The following PUS7L variants were observed in gnomAD, a reference collection of about 807,000 sequenced individuals.
PUS7L encodes the protein pseudouridine synthase 7 like.
In PUS7L, 49 loss-of-function variants were observed where a neutral mutation model predicts 51.1. That is an observed-to-expected ratio of 0.96 (90% CI 0.76 to 1.22). PUS7L has a LOEUF of 1.22. PUS7L is among the 50% of genes most tolerant of loss of function. The pLI is 0.00. For synonymous variants in PUS7L, 277 were observed against 276.2 expected (o/e 1.00, Z -0.03); for missense variants, 828 against 820.6 (o/e 1.01, Z -0.11).
At chr12:43,739,527 G>C (rs570606313) in intron 5 of PUS7L, 1 of 152,218 alleles carries the variant, frequency 6.6e-6, no homozygotes, top group Non-Finnish European at 1.5e-5. Context: ...TCTGCCTCCC[G>C]GGTTCAACCT....
chr12:43,757,136 G>A (rs1023542401), intron 1 of PUS7L, among the ~76,000 whole-genome samples: 1 of 152,184 alleles, frequency 6.6e-6, no homozygotes, highest in African/African-American at 2.4e-5. Context: ...CCTCAGAGAA[G>A]TTTTTCCTGA....
chr12:43,737,148 T>C (rs995183081), intron 6 of PUS7L, among the ~76,000 whole-genome samples: 7 of 152,172 alleles, frequency 4.6e-5, no homozygotes, highest in Non-Finnish European at 1.0e-4. Flanking sequence ...CACTTTGAAA[T>C]GTAGATGACT....
chr12:43,758,663 C>A (rs897275009), intron 1 of PUS7L, 67 bp downstream of exon 1: 11 of 761,584 alleles, frequency 1.4e-5, no homozygotes, highest in Non-Finnish European at 1.6e-5. Context: ...CACCCCCCCC[C>A]CCCACACACA....
chr12:43,734,753 C>T lies in PUS7L; in HGVS notation c.1725+1628G>A, dbSNP rs141649551. On this transcript the variant is annotated intron_variant, in intron 7 of 8. Coordinates refer to ENST00000344862, the MANE Select transcript of PUS7L (RefSeq NM_031292.5). ...TTGTGTGACTCTGAATCTGTCTACT[C>T]TCCAATCTGGGACCCAATTTTCATT... Among the ~76,000 whole-genome samples, 9 of 152,188 alleles carry T rather than the reference C, an allele frequency of 5.9e-5. No homozygotes were observed. In the East Asian group the frequency reaches 1.7e-3, roughly 29 times the overall value.
rs1944544342 is a variant in PUS7L, at chr12:43,731,128, C to T, written c.1780-426G>A. The stretch of plus-strand genomic sequence containing the variant: ...ATTTCTTCCAGAACAAGAAAACAAA[C>T]ACATAGCAACACATTCAATGTTTAT... On this transcript the variant is annotated intron_variant, in intron 8 of 8. Transcript: ENST00000344862. Among the ~76,000 whole-genome samples, 3 of 152,174 alleles carry T rather than the reference C, an allele frequency of 2.0e-5. No individual in the cohort carries two copies. In the South Asian group the frequency reaches 6.2e-4, roughly 31 times the overall value.
At position 43,752,937 on chromosome 12, in the gene PUS7L, A is replaced by G. The variant is rs942865665; in HGVS notation, c.910+1399T>C. Reference sequence around the variant, plus strand: ...AAAATAAAAGGTTTTTTGAACCATCATTCCTCCTTTTAACATATGCCTCCA... The same window carrying G: ...AAAATAAAAGGTTTTTTGAACCATCGTTCCTCCTTTTAACATATGCCTCCA... On this transcript the variant is annotated intron_variant, in intron 2 of 8. Transcript: ENST00000344862. 2.0e-5 allele frequency among the ~76,000 whole-genome samples: 3 copies of G among 152,318 alleles called. No homozygotes were observed. In the East Asian group the frequency reaches 5.8e-4, roughly 29 times the overall value.
intron 4 of PUS7L, among the ~76,000 whole-genome samples, chr12:43,745,093 T>C (rs1028095877): frequency 1.3e-5 from 2 of 151,666 alleles, no homozygotes; most frequent in African/African-American, 4.9e-5. Context: ...ACAATGGCAG[T>C]AGATTAGTTG....
chr12:43,754,899 G>C lies in PUS7L; in HGVS notation c.347C>G (p.Ser116Cys). 8.7e-6 allele frequency: 14 copies of C among 1,613,824 alleles called. No homozygotes were observed. Among genetic ancestry groups the C allele is most frequent in the Non-Finnish European group, 1.2e-5 (14 of 1,179,880 alleles). ...EKEDTIVDGTSKCEEKADVLS... is the reference protein window; with the variant it reads ...EKEDTIVDGTCKCEEKADVLS... ...AACATCAGCTTTTTCTTCACATTTG[G>C]AAGTTCCATCAACGATAGTATCTTC... The change falls in exon 2 of 9, where the codon TCC becomes TGC. Residue 116 changes from serine (S) to cysteine (C), a missense_variant. Coordinates refer to ENST00000344862, the MANE Select transcript of PUS7L (RefSeq NM_031292.5).
At chr12:43,754,302 A>C (rs755595169) in intron 2 of PUS7L, 34 bp downstream of exon 2, 7 of 1,395,162 alleles carry the variant, frequency 5.0e-6, no homozygotes, top group Non-Finnish European at 6.9e-6. Flanking sequence ...AGCTAAGCTT[A>C]TCCAAGAAAA....
chr12:43,735,798 GCA>G (rs1303147433), intron 7 of PUS7L, among the ~76,000 whole-genome samples: 2 of 152,020 alleles, frequency 1.3e-5, no homozygotes, highest in Admixed American at 1.3e-4. Context: ...TTGTTTTTAG[GCA>G]CAGTCTCGTT....
At chr12:43,737,611 G>A (rs1010274161) in intron 6 of PUS7L, among the ~76,000 whole-genome samples, 33 of 150,714 alleles carry the variant, frequency 2.2e-4, no homozygotes, top group Non-Finnish European at 4.4e-4. Flanking sequence ...TTTAAATAAA[G>A]GTAATATTTA....
At position 43,751,354 on chromosome 12, in the gene PUS7L, C is replaced by G. The variant is rs1028419051; in HGVS notation, c.911-2745G>C. On this transcript the variant is annotated intron_variant, in intron 2 of 8. Coordinates refer to ENST00000344862, the MANE Select transcript of PUS7L (RefSeq NM_031292.5). ...TAAGGCTATCCCTCCCCCCTCCCCC[C>G]ACTCCACAACAGGACCCAGTGTGTG... Among the ~76,000 whole-genome samples the G allele has an allele frequency of 4.4e-5, 6 of 137,260 alleles. No homozygotes were observed. The South Asian group carries it at 1.4e-3, about 31-fold the overall frequency. The allele number at this position is 137,260 out of a possible 152,430, so 90.0% of individuals were successfully genotyped here.
chr12:43,736,251 G>A (rs376966648), intron 7 of PUS7L, 130 bp downstream of exon 7: 1 of 782,392 alleles, frequency 1.3e-6, no homozygotes, highest in South Asian at 1.9e-5. Context: ...CAGGAGATGA[G>A]TAAATATAAG....
chr12:43,726,006 A>C lies in PUS7L; in HGVS notation c.*4370T>G, dbSNP rs953159545. On this transcript the variant is annotated 3_prime_UTR_variant, in exon 9 of 9. Coordinates refer to ENST00000344862, the MANE Select transcript of PUS7L (RefSeq NM_031292.5). ...AAAATCAAGGTGTTTTAATTTTAATATTAGTAAAAGACCTCAATTTGTTTC... is the reference window on the plus strand; with the variant it reads ...AAAATCAAGGTGTTTTAATTTTAATCTTAGTAAAAGACCTCAATTTGTTTC... The C allele has an allele frequency of 2.0e-5, 3 of 152,206 alleles. No individual in the cohort carries two copies. Among genetic ancestry groups the C allele is most frequent in the Non-Finnish European group, 4.4e-5 (3 of 68,032 alleles). 9.4% of individuals were successfully genotyped at this position (152,206 alleles called of 1,614,324 possible).
Position 43,730,539 on chromosome 12 carries a change from G to A in PUS7L, c.1943C>T (p.Pro648Leu), listed in dbSNP as rs1944527045. The change falls in exon 9 of 9, where the codon CCC becomes CTC. Residue 648 changes from proline (P) to leucine (L), a missense_variant. Transcript: ENST00000344862. ...CATTAGTTGGTATGAGAGATTACAG[G>A]GATGTTTCAAAATCTGTCTATAGCA... ...PGCYRQILKHPCNLSYQLMED... is the reference protein window; with the variant it reads ...PGCYRQILKHLCNLSYQLMED... 2 of 1,613,692 alleles carry A rather than the reference G, an allele frequency of 1.2e-6. No individual in the cohort carries two copies. The highest frequency in any genetic ancestry group is 1.1e-5 in the South Asian group (1 of 91,078).
At chr12:43,737,054 A>C (rs1249966666) in intron 6 of PUS7L, among the ~76,000 whole-genome samples, 1 of 152,224 alleles carries the variant, frequency 6.6e-6, no homozygotes, top group Non-Finnish European at 1.5e-5. Context: ...TTAAAGAGCT[A>C]TTCTGGACAT....
chr12:43,726,225 C>G lies in PUS7L; in HGVS notation c.*4151G>C, dbSNP rs561668651. On this transcript the variant is annotated 3_prime_UTR_variant, in exon 9 of 9. Transcript: ENST00000344862. ...AGACCAATGGAACAGGTTAGAGAAC[C>G]CAGAAATAAAGGCCACACACCTACA... is the stretch of plus-strand genomic sequence containing the variant. 6.6e-6 allele frequency: 1 copy of G among 152,158 alleles called. No individual in the cohort carries two copies. The highest frequency in any genetic ancestry group is 2.4e-5 in the African/African-American group (1 of 41,496). 9.4% of individuals were successfully genotyped at this position (152,158 alleles called of 1,614,324 possible).
intron 3 of PUS7L, among the ~76,000 whole-genome samples, chr12:43,746,643 G>C (rs1938185209): frequency 6.6e-6 from 1 of 152,052 alleles, no homozygotes; most frequent in Non-Finnish European, 1.5e-5. Flanking sequence ...ATTCTGCTCT[G>C]ACCACTTCCT....
At chr12:43,753,456 T>C (rs1025945002) in intron 2 of PUS7L, among the ~76,000 whole-genome samples, 1 of 152,222 alleles carries the variant, frequency 6.6e-6, no homozygotes, top group African/African-American at 2.4e-5. Flanking sequence ...CCAAACTCTT[T>C]TCATTTGCAC....
Sources: gnomAD v4.1 joint callset for allele counts (sites outside exome capture counted in the v4.1 genomes callset) on GRCh38, gnomAD v4.1.1 for gene constraint, MANE v1.5 for transcripts, NCBI Gene and HGNC (gene_info 2026-07-23, HGNC 2026-07-21) for gene names.